Variants in GSDME observed in about 807,000 individuals in gnomAD.
GSDME encodes gasdermin E.
Under a neutral mutation model 47.5 loss-of-function variants are expected in GSDME, and 44 were observed. The ratio of observed to expected loss-of-function variants is 0.93; its 90% CI spans 0.73 to 1.19. GSDME has a LOEUF of 1.19. GSDME is among the 50% of genes most tolerant of loss of function. The probability of loss-of-function intolerance (pLI) is 0.00; values close to 1 mark genes in which losing one functional copy is unlikely to be tolerated. For synonymous variants in GSDME, 258 were observed against 252.8 expected, an observed-to-expected ratio of 1.02 and a Z score of -0.20; for missense variants, 663 against 604.2, an observed-to-expected ratio of 1.10 and a Z score of -1.02.
chr7:24,793,896 A>T, the GSDME span, among the ~76,000 whole-genome samples: 241 of 152,022 alleles, frequency 1.6e-3, no homozygotes, highest in African/African-American at 5.6e-3. Context: ...AGCTGTTGCC[A>T]CTACAGATTG....
chr7:24,727,728 AG>A (rs1157165598), intron 3 of GSDME, among the ~76,000 whole-genome samples: 3 of 152,222 alleles, frequency 2.0e-5, no homozygotes, highest in Non-Finnish European at 4.4e-5. Context: ...CAGTCTACAG[AG>A]ATGGCAGAGT....
chr7:24,755,808 T>TAA (rs1434297494), intron 1 of GSDME, among the ~76,000 whole-genome samples: 12 of 152,326 alleles, frequency 7.9e-5, no homozygotes, highest in African/African-American at 2.9e-4. Flanking sequence ...TTGAAAAAGG[T>TAA]AAACCTCAGT....
At chr7:24,782,708 C>T in the GSDME span, among the ~76,000 whole-genome samples, 1 of 152,196 alleles carries the variant, frequency 6.6e-6, no homozygotes, top group East Asian at 1.9e-4. Flanking sequence ...TCCTGTTTCT[C>T]CACATCCTCT....
intron 5 of GSDME, chr7:24,710,653 C>A (rs1306235520): frequency 2.2e-6 from 1 of 461,702 alleles, no homozygotes; most frequent in Non-Finnish European, 3.9e-6. Flanking sequence ...TGGACACAAT[C>A]TTTAAAACAT....
chr7:24,763,824 C>A, the GSDME span, among the ~76,000 whole-genome samples: 1 of 152,192 alleles, frequency 6.6e-6, no homozygotes, highest in African/African-American at 2.4e-5. The surrounding 1 kb of genome is among the most constrained non-coding windows in gnomAD (Gnocchi z 4.3). Flanking sequence ...GTGGCCGACA[C>A]AGCTTTGTAC....
chr7:24,715,517 A>G, intron 5 of GSDME: 1 of 470,910 alleles, frequency 2.1e-6, no homozygotes, highest in Non-Finnish European at 4.4e-6. Context: ...GGAGTGACAC[A>G]TTCACCACTG....
the GSDME span, among the ~76,000 whole-genome samples, chr7:24,768,931 C>T: frequency 6.6e-6 from 1 of 152,236 alleles, no homozygotes; most frequent in Non-Finnish European, 1.5e-5. The surrounding 1 kb of genome is among the most constrained non-coding windows in gnomAD (Gnocchi z 5.6). Context: ...GTGCTTGGCA[C>T]TGTCCTAGGC....
intron 3 of GSDME, among the ~76,000 whole-genome samples, chr7:24,727,648 C>T (rs1483201512): frequency 1.3e-5 from 2 of 152,228 alleles, no homozygotes; most frequent in Admixed American, 1.3e-4. Flanking sequence ...CCTGTAAACT[C>T]CTTGGCTTTG....
chr7:24,717,285 A>C lies in GSDME; in HGVS notation c.666T>G (p.Ile222Met). The change falls in exon 5 of 10, where the codon ATT (isoleucine) becomes ATG (methionine). Residue 222 changes from isoleucine (I) to methionine (M), a missense_variant. Ile to Met is a conservative substitution (Grantham distance 10). Transcript: ENST00000645220. ...PAATTIAYGV[I>M]ELYVKLDGQF... ...GGCCGTCCAGTTTCACGTATAACTCAATGACACCGTAGGCAATGGTGGTGG... is the reference window on the plus strand; with the variant it reads ...GGCCGTCCAGTTTCACGTATAACTCCATGACACCGTAGGCAATGGTGGTGG... The C allele has an allele frequency of 5.0e-6, 8 of 1,609,960 alleles. No individual in the cohort carries two copies. Among genetic ancestry groups the C allele is most frequent in the Non-Finnish European group, 6.8e-6 (8 of 1,178,342 alleles).
In GSDME at chr7:24,710,325, TAGAC is replaced by T. The variant is rs1334147385; in HGVS notation, c.757_760del (p.Val253ThrfsTer13). The T allele has an allele frequency of 1.2e-6, 2 of 1,614,270 alleles. No individual in the cohort carries two copies. The highest frequency in any genetic ancestry group is 1.7e-6 in the Non-Finnish European group (2 of 1,180,052). On this transcript the variant is annotated frameshift_variant, in exon 6 of 10. Coordinates refer to ENST00000645220, the MANE Select transcript of GSDME (RefSeq NM_001127453.2). LOFTEE classifies it high-confidence loss of function. Reference sequence around the variant, plus strand: ...CTCTCGAAAGACCAGGGGGTCCAGGTAGACAGAGTCAATTCTCTTCTTGTTCTCG... The same window carrying T: ...CTCTCGAAAGACCAGGGGGTCCAGGTAGAGTCAATTCTCTTCTTGTTCTCG...
the GSDME span, among the ~76,000 whole-genome samples, chr7:24,794,350 C>A: frequency 2.0e-5 from 3 of 150,826 alleles, no homozygotes; most frequent in South Asian, 6.3e-4. Context: ...CCTCTGCCAG[C>A]CGCTTATGCT....
chr7:24,707,082 C>G lies in GSDME; in HGVS notation c.991-706G>C, dbSNP rs189623528. ...TCCCTGGAGCTGAGCTCCCCACCCT[C>G]TAGAATGCAAATGTCCTGGGCTGTG... On this transcript the variant is annotated intron_variant, in intron 7 of 9. Coordinates refer to ENST00000645220, the MANE Select transcript of GSDME (RefSeq NM_001127453.2). 1.8e-4 allele frequency among the ~76,000 whole-genome samples: 27 copies of G among 152,350 alleles called. No individual in the cohort carries two copies. In the East Asian group the frequency reaches 5.2e-3, roughly 29 times the overall value.
At chr7:24,790,837 G>A in the GSDME span, among the ~76,000 whole-genome samples, 1 of 152,034 alleles carries the variant, frequency 6.6e-6, no homozygotes, top group African/African-American at 2.4e-5. The surrounding 1 kb of genome is among the most constrained non-coding windows in gnomAD (Gnocchi z 4.1). Context: ...AATAACTATA[G>A]AACAAAAAGA....
the GSDME span, among the ~76,000 whole-genome samples, chr7:24,768,715 A>G: frequency 6.6e-6 from 1 of 152,252 alleles, no homozygotes; most frequent in African/African-American, 2.4e-5. The surrounding 1 kb of genome is among the most constrained non-coding windows in gnomAD (Gnocchi z 5.6). Flanking sequence ...CCATGCTATG[A>G]CAAAGATTGG....
At chr7:24,737,142 G>A (rs114829110) in intron 3 of GSDME, among the ~76,000 whole-genome samples, 15,506 of 151,768 alleles carry the variant, frequency 0.1, 844 homozygotes, top group Admixed American at 0.12. Context: ...TGGAAGAAAA[G>A]AAATAATAAA....
At position 24,749,761 on chromosome 7, in the gene GSDME, GC is replaced by G; in HGVS notation, c.13del (p.Ala5GlnfsTer15). MFAK[A>X]TRNFLREVDA... is the part of the protein sequence containing the mutation. ...AACTTCTCTAAGAAAATTCCTGGTT[GC>G]TTTGGCAAACATTTTGAAAGCTCCA... On this transcript the variant is annotated frameshift_variant, in exon 2 of 10. Coordinates refer to ENST00000645220, the MANE Select transcript of GSDME (RefSeq NM_001127453.2). LOFTEE classifies it high-confidence loss of function. 6.2e-7 allele frequency: 1 copy of G among 1,613,872 alleles called. No homozygotes were observed. Among genetic ancestry groups the G allele is most frequent in the East Asian group, 2.2e-5 (1 of 44,882 alleles).
the GSDME span, among the ~76,000 whole-genome samples, chr7:24,793,788 T>C: frequency 0.13 from 19,349 of 147,598 alleles, 1,475 homozygotes; most frequent in East Asian, 0.4. Context: ...CCTTTTCTTT[T>C]TTTTTTTTTT....
At chr7:24,708,375 A>G (rs933632105) in intron 6 of GSDME, 121 bp from the exon 7 acceptor site, 12 of 1,204,694 alleles carry the variant, frequency 1.0e-5, no homozygotes, top group African/African-American at 9.1e-5. Context: ...TCCCAGCTGC[A>G]TAGTCAGTCA....
rs1392307854 is a variant in GSDME at position 24,726,247 on chromosome 7, AGAG to A, written c.405-7032_405-7030del. ...TTCAAGAGCCAAAATGCAAACTCAC[AGAG>A]GAGAAACCCAGAGACAACTTTTAAA... is the stretch of plus-strand genomic sequence containing the variant. On this transcript the variant is annotated intron_variant, in intron 3 of 9. Coordinates refer to ENST00000645220, the MANE Select transcript of GSDME (RefSeq NM_001127453.2). This position sits in a 1 kb window ranked among gnomAD's most constrained non-coding sequence, Gnocchi z 5.6. 6.6e-6 allele frequency among the ~76,000 whole-genome samples: 1 copy of A among 152,232 alleles called. No homozygotes were observed. The highest frequency in any genetic ancestry group is 1.5e-5 in the Non-Finnish European group (1 of 68,026).
Sources: allele counts gnomAD v4.1 joint callset (sites outside exome capture counted in the v4.1 genomes callset), GRCh38; gene constraint gnomAD v4.1.1; non-coding constraint Gnocchi (gnomAD v3.1); transcripts MANE v1.5; gene names NCBI Gene and HGNC (gene_info 2026-07-23, HGNC 2026-07-21).